Variants in TENM2 observed in about 807,000 individuals in gnomAD.
TENM2 encodes teneurin-2.
In TENM2, 52 loss-of-function variants were observed where a neutral mutation model predicts 245.2. That is an observed-to-expected ratio of 0.21 (90% CI 0.17 to 0.27). The LOEUF is 0.27. Among genes scored for constraint, TENM2 ranks in the 10% least tolerant of loss-of-function variants. The pLI, the probability that TENM2 is intolerant of heterozygous loss-of-function variation, is 1.00. For synonymous variants in TENM2, 1,363 were observed against 1,438.9 expected (o/e 0.95, Z 1.19); for missense variants, 3,046 against 3,666.8 (o/e 0.83, Z 4.37).
chr5:167,954,451 G>A (rs3101754), intron 4 of TENM2, among the ~76,000 whole-genome samples: 4 of 151,996 alleles, frequency 2.6e-5, no homozygotes, highest in Non-Finnish European at 5.9e-5. Flanking sequence ...GAAAAGCTAC[G>A]TATCGGGTAT....
At chr5:168,169,354 G>T (rs1378371824) in intron 13 of TENM2, among the ~76,000 whole-genome samples, 1 of 152,164 alleles carries the variant, frequency 6.6e-6, no homozygotes, top group Non-Finnish European at 1.5e-5. Context: ...ACCTCCATCT[G>T]CAAGGCTCGG....
Position 167,947,222 on chromosome 5 carries a change from CAG to C in TENM2, c.713-5363_713-5362del, listed in dbSNP as rs150422390. ...CCTAGGAGGTACTAATCATTTTCCT[CAG>C]AGTCATAGTTGCTATAGCTGCCATT... On this transcript the variant is annotated intron_variant, in intron 3 of 28. Coordinates refer to ENST00000518659, the Ensembl canonical transcript of TENM2. Among the ~76,000 whole-genome samples the C allele has an allele frequency of 4.6e-3, 707 of 152,224 alleles. 6 individuals are homozygous for C. The highest frequency in any genetic ancestry group is 0.016 in the African/African-American group (671 of 41,526).
the TENM2 span, among the ~76,000 whole-genome samples, chr5:167,102,223 C>T: frequency 5.3e-5 from 8 of 151,394 alleles, no homozygotes; most frequent in Non-Finnish European, 1.0e-4. Context: ...AAGACTCTGT[C>T]TCAAAAAACA....
chr5:167,371,332 C>G (rs1348088828), intron 1 of TENM2, among the ~76,000 whole-genome samples: 1 of 113,224 alleles, frequency 8.8e-6, no homozygotes, highest in Non-Finnish European at 1.8e-5. Flanking sequence ...CCATGGCTCC[C>G]TGTTTTTTTT....
the TENM2 span, among the ~76,000 whole-genome samples, chr5:167,005,949 C>T: frequency 2.0e-5 from 3 of 151,940 alleles, no homozygotes; most frequent in East Asian, 1.9e-4. Flanking sequence ...TGTGAGCCAC[C>T]GTGCCTGGTG....
intron 1 of TENM2, among the ~76,000 whole-genome samples, chr5:167,340,752 G>A (rs990450190): frequency 4.6e-5 from 7 of 152,208 alleles, no homozygotes; most frequent in African/African-American, 1.4e-4. Flanking sequence ...TTTGGTGCAC[G>A]TAAAAGATGG....
the TENM2 span, among the ~76,000 whole-genome samples, chr5:167,259,938 C>T: frequency 6.6e-6 from 1 of 152,158 alleles, no homozygotes; most frequent in Admixed American, 6.5e-5. Flanking sequence ...GCATGGGTTG[C>T]ATTCTTAGCC....
chr5:167,863,301 A>G lies in TENM2; in HGVS notation c.503-12685A>G, dbSNP rs543128277. 4.6e-5 allele frequency among the ~76,000 whole-genome samples: 7 copies of G among 152,272 alleles called. 1 individual carries two copies. Among genetic ancestry groups the G allele is most frequent in the African/African-American group, 1.4e-4 (6 of 41,556 alleles). Reference sequence around the variant, plus strand: ...TATGGGCCCTCTTGTGACTGAGACAATGTCATCACATTTCTTTAAAGTACT... The same window carrying G: ...TATGGGCCCTCTTGTGACTGAGACAGTGTCATCACATTTCTTTAAAGTACT... On this transcript the variant is annotated intron_variant, in intron 2 of 28. Coordinates refer to ENST00000518659, the Ensembl canonical transcript of TENM2.
chr5:167,945,659 T>C (rs1041406059), intron 3 of TENM2, among the ~76,000 whole-genome samples: 2 of 152,232 alleles, frequency 1.3e-5, no homozygotes, highest in South Asian at 2.1e-4. Context: ...TGTTCCGCTA[T>C]GCAGTGTTGA....
rs372928686 is a variant in TENM2 at position 168,204,238 on chromosome 5, A to G, written c.3575-134A>G. ...CCTCTCCCACTGCAGCTCTCTCCACATTGTGAAGAAGTTGGAGAGCTCCCC... is the reference window on the plus strand; with the variant it reads ...CCTCTCCCACTGCAGCTCTCTCCACGTTGTGAAGAAGTTGGAGAGCTCCCC... On this transcript the variant is annotated intron_variant, in intron 18 of 28. Coordinates refer to ENST00000518659, the Ensembl canonical transcript of TENM2. 105 of 948,746 alleles carry G rather than the reference A, an allele frequency of 1.1e-4. 3 individuals are homozygous for G. The highest frequency in any genetic ancestry group is 5.6e-4 in the African/African-American group (34 of 60,512). The allele number at this position is 948,746 out of a possible 1,614,324, so 58.8% of individuals were successfully genotyped here.
At chr5:167,013,632 A>C in the TENM2 span, among the ~76,000 whole-genome samples, 1 of 152,072 alleles carries the variant, frequency 6.6e-6, no homozygotes, top group Non-Finnish European at 1.5e-5. Context: ...GCTTGAACCC[A>C]GAGAGGGGAG....
rs948591907 is a variant in TENM2 at position 167,969,737 on chromosome 5, G to C, written c.947+16915G>C. Among the ~76,000 whole-genome samples the C allele has an allele frequency of 7.9e-5, 12 of 152,232 alleles. 1 individual carries two copies. In the South Asian group the frequency reaches 2.5e-3, roughly 32 times the overall value. On this transcript the variant is annotated intron_variant, in intron 4 of 28. Coordinates refer to ENST00000518659, the Ensembl canonical transcript of TENM2. ...GGTAACTATATGCTATATTCTCAAA[G>C]CTTAGAAACCTAACAGAAAGTAAAG...
chr5:167,573,878 A>G (rs537319518), intron 2 of TENM2: 2 of 130,102 alleles, frequency 1.5e-5, no homozygotes, highest in South Asian at 2.7e-4. Context: ...TTCTTGCTGG[A>G]AAAAAAAAAA....
intron 4 of TENM2, among the ~76,000 whole-genome samples, chr5:167,984,037 A>C (rs1783045692): frequency 6.6e-6 from 1 of 152,166 alleles, no homozygotes; most frequent in African/African-American, 2.4e-5. Context: ...TTCACGAATA[A>C]ACTCACCCAA....
chr5:167,802,976 AT>A (rs1765893766), intron 2 of TENM2, among the ~76,000 whole-genome samples: 2 of 152,242 alleles, frequency 1.3e-5, no homozygotes, highest in African/African-American at 4.8e-5. Context: ...TCAAATGAGT[AT>A]TTGCAAAGAC....
intron 13 of TENM2, chr5:168,187,105 A>T (rs1442392901): frequency 2.0e-5 from 3 of 152,198 alleles, no homozygotes; most frequent in African/African-American, 7.2e-5. Flanking sequence ...GTAAATGTAA[A>T]TATGTAGGAG....
At chr5:167,836,430 A>G (rs1051206388) in intron 2 of TENM2, among the ~76,000 whole-genome samples, 2 of 152,222 alleles carry the variant, frequency 1.3e-5, no homozygotes, top group Non-Finnish European at 2.9e-5. Context: ...GGTCCAATTG[A>G]GGTGGCAGCC....
chr5:167,642,454 T>C (rs1039887812), intron 2 of TENM2, among the ~76,000 whole-genome samples: 1 of 152,154 alleles, frequency 6.6e-6, no homozygotes. Flanking sequence ...CCCAAAGATA[T>C]ATGTGACACA....
chr5:167,609,537 T>C, intron 2 of TENM2, among the ~76,000 whole-genome samples: 1 of 142,386 alleles, frequency 7.0e-6, no homozygotes, highest in African/African-American at 2.7e-5. Context: ...GAAGGTTTTT[T>C]AGAAATTAGA....
Sources: gnomAD v4.1 joint callset for allele counts (sites outside exome capture counted in the v4.1 genomes callset) on GRCh38, gnomAD v4.1.1 for gene constraint, MANE v1.5 for transcripts, NCBI Gene and HGNC (gene_info 2026-07-23, HGNC 2026-07-21) for gene names.